HNF4A: variants seen among roughly 807,000 people sequenced by gnomAD.
HNF4A encodes hepatocyte nuclear factor 4-alpha.
In HNF4A, 15 loss-of-function variants were observed where a neutral mutation model predicts 52.4. That is an observed-to-expected ratio of 0.29 (90% CI 0.19 to 0.44). HNF4A has a LOEUF of 0.44. Ranked by LOEUF, HNF4A falls within the 20% of genes least tolerant of loss-of-function variation. The pLI is 1.00. For missense variants in HNF4A, 479 were observed against 647.2 expected (o/e 0.74, Z 2.82); for synonymous variants, 280 against 264.4 (o/e 1.06, Z -0.57).
rs186958457 is a variant in HNF4A at position 44,358,490 on chromosome 20, A to G, written c.49+2637A>G. Among the ~76,000 whole-genome samples the G allele has an allele frequency of 7.0e-4, 106 of 152,242 alleles. 4 individuals carry two copies. In the East Asian group the frequency reaches 0.019, roughly 28 times the overall value. ...CCGGGTATGATGGCACACGCCTGTA[A>G]TTCCAGCTACTTGGGAGGCTGAGGC... On this transcript the variant is annotated intron_variant, in intron 1 of 9. Coordinates refer to the HNF4A transcript ENST00000316673.
At chr20:44,396,283 G>A (rs958399124), upstream of HNF4A, among the ~76,000 whole-genome samples, 1 of 152,166 alleles carries the variant, frequency 6.6e-6, no homozygotes, top group Non-Finnish European at 1.5e-5. Context: ...AATATGAGAA[G>A]GCTAGAAGGT....
intron 1 of HNF4A, among the ~76,000 whole-genome samples, chr20:44,375,033 T>C (rs746089361): frequency 1.3e-5 from 2 of 152,226 alleles, no homozygotes; most frequent in Non-Finnish European, 2.9e-5. Flanking sequence ...TGACAGCCAT[T>C]CTTCAGATAT....
chr20:44,423,088 A>G (rs1182095686), intron 7 of HNF4A, among the ~76,000 whole-genome samples: 3 of 152,168 alleles, frequency 2.0e-5, no homozygotes, highest in Non-Finnish European at 2.9e-5. Flanking sequence ...AGGCTGAGGC[A>G]GGCAGATTAC....
At chr20:44,401,531 T>C in intron 1 of HNF4A, 1 of 1,611,034 alleles carries the variant, frequency 6.2e-7, no homozygotes, top group South Asian at 1.1e-5. Flanking sequence ...TGGGGGCAGG[T>C]GTGCCTGGGT....
At chr20:44,420,450 T>C (rs1023215961) in intron 7 of HNF4A, among the ~76,000 whole-genome samples, 3 of 152,104 alleles carry the variant, frequency 2.0e-5, no homozygotes, top group Admixed American at 6.5e-5. Context: ...CTCTTTTCTT[T>C]CATATTTGCT....
chr20:44,369,336 G>A (rs1374552730), intron 1 of HNF4A, among the ~76,000 whole-genome samples: 2 of 151,040 alleles, frequency 1.3e-5, no homozygotes, highest in Non-Finnish European at 1.5e-5. Flanking sequence ...GAGGATGAGT[G>A]GGGGGATCGT....
intron 5 of HNF4A, among the ~76,000 whole-genome samples, chr20:44,416,223 G>T (rs2063662665): frequency 1.3e-5 from 2 of 152,220 alleles, no homozygotes; most frequent in Admixed American, 1.3e-4. Context: ...TATATGAGGA[G>T]CCCAGCTTGC....
chr20:44,402,782 A>G, intron 1 of HNF4A: 1 of 387,464 alleles, frequency 2.6e-6, no homozygotes, highest in South Asian at 2.0e-5. Context: ...TCTTGGAGCC[A>G]CTCAGCCAGT....
chr20:44,414,477 C>CGG (rs2063632601), intron 4 of HNF4A, 30 bp from the exon 5 acceptor site: 6 of 1,614,166 alleles, frequency 3.7e-6, no homozygotes, highest in Non-Finnish European at 5.1e-6. Context: ...CCGGACATCT[C>CGG]CAGCATTTTC....
upstream of HNF4A, chr20:44,401,165 G>C (rs530469414): frequency 7.4e-5 from 107 of 1,440,112 alleles, 1 homozygote; most frequent in East Asian, 2.5e-3. Context: ...GCGGGGGACC[G>C]ATTAACCATT....
At chr20:44,394,645 C>T (rs1290136993) in intron 1 of HNF4A, among the ~76,000 whole-genome samples, 1 of 152,206 alleles carries the variant, frequency 6.6e-6, no homozygotes, top group Non-Finnish European at 1.5e-5. Context: ...CAAATTTGCT[C>T]AGGACCCAGC....
At chr20:44,388,861 G>T (rs1464592360) in intron 1 of HNF4A, among the ~76,000 whole-genome samples, 2 of 152,162 alleles carry the variant, frequency 1.3e-5, no homozygotes, top group African/African-American at 4.8e-5. Context: ...CTGCGGCCCG[G>T]GTGGCCACGC....
intron 3 of HNF4A, among the ~76,000 whole-genome samples, chr20:44,408,634 G>A (rs1248101006): frequency 1.3e-5 from 2 of 152,186 alleles, no homozygotes; most frequent in African/African-American, 4.8e-5. Context: ...GGCTGAGGCA[G>A]GAGAATTGCT....
At chr20:44,378,791 T>C (rs2063115861) in intron 1 of HNF4A, among the ~76,000 whole-genome samples, 2 of 151,294 alleles carry the variant, frequency 1.3e-5, no homozygotes, top group Non-Finnish European at 2.9e-5. Flanking sequence ...TGGTGGTGCG[T>C]GCCTGTAATC....
chr20:44,385,947 C>T (rs1275033064), intron 1 of HNF4A, among the ~76,000 whole-genome samples: 2 of 152,060 alleles, frequency 1.3e-5, no homozygotes, highest in East Asian at 3.9e-4. Flanking sequence ...GGAACCTCCA[C>T]CTCCCAGGTT....
At chr20:44,382,216 G>A (rs972894439) in intron 1 of HNF4A, among the ~76,000 whole-genome samples, 3 of 151,594 alleles carry the variant, frequency 2.0e-5, no homozygotes, top group Admixed American at 1.3e-4. Context: ...TATTCTTCAA[G>A]GGGCATAGCT....
At chr20:44,385,194 A>C (rs1600668631) in intron 1 of HNF4A, among the ~76,000 whole-genome samples, 1 of 149,834 alleles carries the variant, frequency 6.7e-6, no homozygotes, top group East Asian at 2.0e-4. Flanking sequence ...AAAGGAGAGG[A>C]ATTCAAGGAG....
chr20:44,368,204 T>C (rs1372050665), intron 1 of HNF4A, among the ~76,000 whole-genome samples: 2 of 127,562 alleles, frequency 1.6e-5, no homozygotes, highest in Non-Finnish European at 3.2e-5. Context: ...TCTCACTCTG[T>C]GGCCCAGGCT....
intron 1 of HNF4A, 84 bp from the exon 2 acceptor site, chr20:44,405,974 C>A: frequency 7.5e-7 from 1 of 1,333,894 alleles, no homozygotes; most frequent in Non-Finnish European, 1.1e-6. Context: ...GAGGCCGAAG[C>A]CCTGGAGAGA....
Sources: gnomAD v4.1 joint callset for allele counts (sites outside exome capture counted in the v4.1 genomes callset) on GRCh38, gnomAD v4.1.1 for gene constraint, MANE v1.5 for transcripts, NCBI Gene and HGNC (gene_info 2026-07-23, HGNC 2026-07-21) for gene names.